Variants in LRRFIP2 observed in about 807,000 individuals in gnomAD.
The protein encoded by LRRFIP2 is leucine-rich repeat flightless-interacting protein 2.
In LRRFIP2, 109 loss-of-function variants were observed where a neutral mutation model predicts 125.9. That is an observed-to-expected ratio of 0.87 (90% CI 0.74 to 1.01). The LOEUF is 1.01. Among genes scored for constraint, LRRFIP2 ranks in the 50% least tolerant of loss-of-function variants. LRRFIP2 has a pLI of 0.00. For missense variants in LRRFIP2, 850 were observed against 862.3 expected (o/e 0.99, Z 0.18); for synonymous variants, 291 against 293.1 (o/e 0.99, Z 0.07).
intron 18 of LRRFIP2, among the ~76,000 whole-genome samples, chr3:37,087,592 CTTT>C (rs764949237): frequency 1.4e-5 from 2 of 145,002 alleles, no homozygotes; most frequent in Admixed American, 1.4e-4. Context: ...TTAAATGCTT[CTTT>C]TTTTTTTTTT....
At chr3:37,090,541 T>C (rs1190167371) in intron 18 of LRRFIP2, among the ~76,000 whole-genome samples, 2 of 152,194 alleles carry the variant, frequency 1.3e-5, no homozygotes, top group Admixed American at 1.3e-4. Flanking sequence ...GTAGTGTGTA[T>C]TTTGATTTCA....
At chr3:37,094,672 A>AT in intron 17 of LRRFIP2, 120 bp downstream of exon 17, 1 of 664,288 alleles carries the variant, frequency 1.5e-6, no homozygotes, top group Admixed American at 2.5e-5. Flanking sequence ...TACAGTACTT[A>AT]TTTTTTAAAA....
intron 27 of LRRFIP2, 139 bp from the exon 28 acceptor site, chr3:37,054,100 CAGTT>C (rs1467859986): frequency 2.0e-5 from 13 of 642,976 alleles, no homozygotes; most frequent in East Asian, 5.3e-5. Flanking sequence ...TTTTTTCTAT[CAGTT>C]AGAGGTGTTA....
chr3:37,112,166 A>G (rs2094568222), intron 8 of LRRFIP2, among the ~76,000 whole-genome samples: 1 of 151,912 alleles, frequency 6.6e-6, no homozygotes, highest in Non-Finnish European at 1.5e-5. Flanking sequence ...GCAAAACCCC[A>G]TCTCTACAAA....
intron 1 of LRRFIP2, among the ~76,000 whole-genome samples, chr3:37,172,122 AAT>A (rs1383026812): frequency 6.6e-6 from 1 of 152,220 alleles, no homozygotes; most frequent in Non-Finnish European, 1.5e-5. Context: ...ATGGGATTGA[AAT>A]AGTTTTAACT....
At chr3:37,150,876 G>A (rs1313789102) in intron 1 of LRRFIP2, among the ~76,000 whole-genome samples, 2 of 152,170 alleles carry the variant, frequency 1.3e-5, no homozygotes, top group Non-Finnish European at 2.9e-5. Flanking sequence ...GCTAAATAAA[G>A]CAGAACTATT....
chr3:37,100,448 C>T (rs1035600920), intron 15 of LRRFIP2, among the ~76,000 whole-genome samples: 7 of 145,608 alleles, frequency 4.8e-5, no homozygotes, highest in Non-Finnish European at 1.0e-4. Context: ...ATGTGTGTGT[C>T]TGTGTGTGTA....
At chr3:37,054,730 A>C (rs1388236126) in intron 26 of LRRFIP2, among the ~76,000 whole-genome samples, 1 of 152,222 alleles carries the variant, frequency 6.6e-6, no homozygotes, top group African/African-American at 2.4e-5. Context: ...TTTTAGGGCC[A>C]ATTTCCCATG....
At chr3:37,117,302 C>G (rs1009012338) in intron 6 of LRRFIP2, among the ~76,000 whole-genome samples, 3 of 151,970 alleles carry the variant, frequency 2.0e-5, no homozygotes, top group African/African-American at 7.2e-5. Flanking sequence ...ATTTAACAAG[C>G]CAAACTGGAA....
intron 2 of LRRFIP2, among the ~76,000 whole-genome samples, chr3:37,130,974 G>A (rs769838130): frequency 6.6e-6 from 1 of 152,156 alleles, no homozygotes; most frequent in Non-Finnish European, 1.5e-5. Context: ...TTTTGCTGCC[G>A]CACCTCAAAC....
intron 14 of LRRFIP2, 27 bp from the exon 15 acceptor site, chr3:37,103,040 C>T (rs540528371): frequency 1.3e-6 from 2 of 1,503,254 alleles, no homozygotes; most frequent in South Asian, 2.5e-5. Flanking sequence ...AAACAAGATG[C>T]TTTCAAGGTT....
intron 4 of LRRFIP2, among the ~76,000 whole-genome samples, chr3:37,124,300 T>C (rs1186500463): frequency 2.0e-5 from 3 of 152,188 alleles, no homozygotes; most frequent in Non-Finnish European, 4.4e-5. Flanking sequence ...CTAAACCTAT[T>C]TGACAAATGT....
intron 1 of LRRFIP2, among the ~76,000 whole-genome samples, chr3:37,151,296 T>C (rs964267365): frequency 6.6e-6 from 1 of 151,770 alleles, no homozygotes; most frequent in African/African-American, 2.4e-5. Context: ...GAGGTGGAGA[T>C]TGCAGTGAAC....
At chr3:37,121,924 T>C (rs1267825903) in intron 4 of LRRFIP2, among the ~76,000 whole-genome samples, 1 of 151,932 alleles carries the variant, frequency 6.6e-6, no homozygotes, top group Non-Finnish European at 1.5e-5. Flanking sequence ...TCTTTCTTTT[T>C]TTTTTTAATT....
intron 24 of LRRFIP2, among the ~76,000 whole-genome samples, chr3:37,061,792 C>G (rs2088823208): frequency 6.6e-6 from 1 of 152,180 alleles, no homozygotes; most frequent in Non-Finnish European, 1.5e-5. Context: ...TCTATCCCTT[C>G]TTGCCCTCAG....
In LRRFIP2 at chr3:37,158,244, A is replaced by G. The variant is rs181385986; in HGVS notation, c.-55-9206T>C. Among the ~76,000 whole-genome samples the G allele has an allele frequency of 1.2e-3, 187 of 152,348 alleles. 8 individuals carry two copies. In the South Asian group the frequency reaches 0.038, roughly 31 times the overall value. Reference sequence around the variant, plus strand: ...TTTAAAGTATCTCAGAGATGTATGGACATACAATCAGAGTATAAAAGAAAG... The same window carrying G: ...TTTAAAGTATCTCAGAGATGTATGGGCATACAATCAGAGTATAAAAGAAAG... On this transcript the variant is annotated intron_variant, in intron 1 of 27. Coordinates refer to ENST00000336686, the MANE Select transcript of LRRFIP2 (RefSeq NM_006309.4).
chr3:37,115,109 A>C lies in LRRFIP2; in HGVS notation c.331-14T>G, dbSNP rs749228139. ...GAACATATCATACTGGGTTTCAGCA[A>C]AACATGAAAGTTGGTTTGTTTCCAA... On this transcript the variant is annotated splice_polypyrimidine_tract_variant and intron_variant, in intron 6 of 27. Coordinates refer to ENST00000336686, the MANE Select transcript of LRRFIP2 (RefSeq NM_006309.4). 6.3e-7 allele frequency: 1 copy of C among 1,577,558 alleles called. No individual in the cohort carries two copies. Among genetic ancestry groups the C allele is most frequent in the Non-Finnish European group, 8.7e-7 (1 of 1,154,742 alleles).
chr3:37,056,514 C>T (rs148502904), intron 25 of LRRFIP2, among the ~76,000 whole-genome samples: 2,112 of 151,112 alleles, frequency 0.014, 20 homozygotes, highest in Middle Eastern at 0.024. Flanking sequence ...AGTGCAGTGG[C>T]GCGATCTCGG....
intron 8 of LRRFIP2, chr3:37,111,950 A>G (rs2094559713): frequency 6.6e-6 from 1 of 152,382 alleles, no homozygotes; most frequent in Non-Finnish European, 1.5e-5. Context: ...CGTTCAACCC[A>G]TGGGAACCCT....
Sources: allele counts gnomAD v4.1 joint callset (sites outside exome capture counted in the v4.1 genomes callset), GRCh38; gene constraint gnomAD v4.1.1; transcripts MANE v1.5; gene names NCBI Gene and HGNC (gene_info 2026-07-23, HGNC 2026-07-21).